The following USP8 variants were observed in gnomAD, a reference collection of about 807,000 sequenced individuals.
The protein encoded by USP8 is ubiquitin carboxyl-terminal hydrolase 8.
USP8 carries 27 observed loss-of-function variants against 130.0 expected under a neutral mutation model. That is an observed-to-expected ratio of 0.21 (90% confidence interval 0.15 to 0.29). The LOEUF is 0.29. USP8 is among the 10% of genes least tolerant of loss of function. The probability of loss-of-function intolerance (pLI) is 1.00; values close to 1 mark genes in which losing one functional copy is unlikely to be tolerated. For synonymous variants in USP8, 392 were observed against 444.1 expected (o/e 0.88, Z 1.48); for missense variants, 1,029 against 1,312.2 (o/e 0.78, Z 3.33).
At position 50,482,022 on chromosome 15, in the gene USP8, A is replaced by G; in HGVS notation, c.1760A>G (p.Asp587Gly). Residue 587 changes from aspartate (D) to glycine (G), a missense_variant, in exon 11 of 20, where the codon GAT (aspartate) becomes GGT (glycine). Physicochemically the swap from Asp to Gly is moderately conservative, Grantham distance 94. Transcript: ENST00000307179. ...GAAATACAGAAAAAGTCAACAGGAG[A>G]TGTGCCCCATACATCTGTGACAGGG... ...TPEIQKKSTG[D>G]VPHTSVTGDS... The G allele has an allele frequency of 6.4e-7, 1 of 1,561,498 alleles. No individual in the cohort carries two copies. Among genetic ancestry groups the G allele is most frequent in the Non-Finnish European group, 8.6e-7 (1 of 1,161,308 alleles).
At chr15:50,447,897 C>G (rs1465566603) in intron 3 of USP8, among the ~76,000 whole-genome samples, 1 of 151,896 alleles carries the variant, frequency 6.6e-6, no homozygotes, top group East Asian at 1.9e-4. Context: ...GCTACCGTGC[C>G]CAGCCTAATT....
intron 12 of USP8, 55 bp from the exon 13 acceptor site, chr15:50,489,746 A>G: frequency 1.6e-6 from 2 of 1,229,942 alleles, no homozygotes; most frequent in Non-Finnish European, 2.1e-6. Flanking sequence ...ATTTAATTGA[A>G]AAATCAGATT....
Position 50,489,854 on chromosome 15 carries a change from A to G in USP8, c.1944A>G (p.Val648=). Reference sequence around the variant, plus strand: ...GAAGTGAAGAAATGGGGAGGATCGTACCAGGACTGCCTTCAGGCTGGGCCA... The same window carrying G: ...GAAGTGAAGAAATGGGGAGGATCGTGCCAGGACTGCCTTCAGGCTGGGCCA... ...RARSEEMGRI[V]PGLPSGWAKF... The change falls in exon 13 of 20, where the codon GTA becomes GTG. Residue 648 remains valine, a synonymous_variant. Transcript: ENST00000307179. 1.3e-6 allele frequency: 2 copies of G among 1,585,644 alleles called. No individual in the cohort carries two copies. The highest frequency in any genetic ancestry group is 1.7e-4 in the Middle Eastern group (1 of 5,996).
chr15:50,456,194 G>A (rs891384309), intron 4 of USP8, among the ~76,000 whole-genome samples: 5 of 152,168 alleles, frequency 3.3e-5, no homozygotes, highest in South Asian at 2.1e-4. Flanking sequence ...GTAGAGTGTC[G>A]TGATCACCAT....
At chr15:50,431,801 C>T (rs966740404) in intron 1 of USP8, among the ~76,000 whole-genome samples, 5 of 152,084 alleles carry the variant, frequency 3.3e-5, no homozygotes, top group Non-Finnish European at 5.9e-5. Context: ...GAATTACAGG[C>T]GTCCACCACC....
rs903168858 is a variant in USP8, at chr15:50,499,900, A to G, written c.*812A>G. 6.6e-6 allele frequency: 1 copy of G among 152,162 alleles called. No individual in the cohort carries two copies. The highest frequency in any genetic ancestry group is 6.6e-5 in the Admixed American group (1 of 15,266). The allele number at this position is 152,162 out of a possible 1,614,324, so 9.4% of individuals were successfully genotyped here. On this transcript the variant is annotated 3_prime_UTR_variant, in exon 20 of 20. Coordinates refer to ENST00000307179, the MANE Select transcript of USP8 (RefSeq NM_005154.5). ...CCAGAGTCATTCTTTCAAGACTAGT[A>G]TTCTCACATATTGAGAATATTCATT... is the stretch of plus-strand genomic sequence containing the variant.
At chr15:50,497,882 TTC>T (rs1465631408) in intron 18 of USP8, among the ~76,000 whole-genome samples, 2 of 152,178 alleles carry the variant, frequency 1.3e-5, no homozygotes, top group African/African-American at 2.4e-5. Flanking sequence ...AAAAAAGCAT[TTC>T]TGTTAAAAAT....
chr15:50,451,512 C>T (rs2050628470), intron 4 of USP8, among the ~76,000 whole-genome samples: 1 of 152,170 alleles, frequency 6.6e-6, no homozygotes, highest in Non-Finnish European at 1.5e-5. Context: ...GCCCATCTTT[C>T]AGTGTAATAA....
rs553271163 is a variant in USP8 at position 50,499,240 on chromosome 15, G to A, written c.*152G>A. 13 of 591,494 alleles carry A rather than the reference G, an allele frequency of 2.2e-5. No homozygotes were observed. The East Asian group carries it at 3.3e-4, about 15-fold the overall frequency. 36.6% of individuals were successfully genotyped at this position (591,494 alleles called of 1,614,324 possible). On this transcript the variant is annotated 3_prime_UTR_variant, in exon 20 of 20. Transcript: ENST00000307179. The stretch of plus-strand genomic sequence containing the variant: ...TACTAGCACTATATAATTCCGGTCA[G>A]TGCTGACAAATAACATTTAACAAGT...
At chr15:50,493,907 C>T in intron 15 of USP8, 163 bp from the exon 16 acceptor site, 2 of 883,658 alleles carry the variant, frequency 2.3e-6, no homozygotes, top group Non-Finnish European at 3.7e-6. Flanking sequence ...GTAAGCAAGT[C>T]AGATTCAGAT....
chr15:50,456,114 A>G (rs1250331649), intron 4 of USP8, among the ~76,000 whole-genome samples: 2 of 152,218 alleles, frequency 1.3e-5, no homozygotes, highest in African/African-American at 4.8e-5. Flanking sequence ...GGAAACTACT[A>G]AGTCATTACC....
intron 3 of USP8, among the ~76,000 whole-genome samples, chr15:50,442,045 C>A (rs758473737): frequency 1.4e-4 from 19 of 134,104 alleles, no homozygotes; most frequent in Non-Finnish European, 2.7e-4. Context: ...GGCGTGATAT[C>A]GGCTCACTGC....
chr15:50,442,881 C>T (rs1289026476), intron 3 of USP8, among the ~76,000 whole-genome samples: 2 of 152,132 alleles, frequency 1.3e-5, no homozygotes, highest in African/African-American at 4.8e-5. Context: ...TCAGTAGTAA[C>T]AAAATACTGC....
At chr15:50,449,890 CTTTTT>C (rs1198558839) in intron 4 of USP8, among the ~76,000 whole-genome samples, 1 of 78,918 alleles carries the variant, frequency 1.3e-5, no homozygotes, top group Non-Finnish European at 2.4e-5. Context: ...CCCAATATTT[CTTTTT>C]TTTTTTTTTT....
At chr15:50,429,307 T>TG (rs2049852284) in intron 1 of USP8, among the ~76,000 whole-genome samples, 1 of 150,262 alleles carries the variant, frequency 6.7e-6, no homozygotes, top group Non-Finnish European at 1.5e-5. Context: ...TGGAGGTGTT[T>TG]TTTTTTTTTT....
intron 8 of USP8, among the ~76,000 whole-genome samples, chr15:50,473,882 T>G (rs796696960): frequency 1.4e-4 from 21 of 152,100 alleles, no homozygotes; most frequent in African/African-American, 5.1e-4. Flanking sequence ...TCACCCAGGC[T>G]GGAGTGCAGT....
intron 5 of USP8, among the ~76,000 whole-genome samples, 193 bp downstream of exon 5, chr15:50,459,355 G>A (rs759675254): frequency 1.3e-4 from 20 of 152,232 alleles, no homozygotes; most frequent in Non-Finnish European, 2.6e-4. Flanking sequence ...AGGCCGAGGC[G>A]GGCAGATCAC....
At chr15:50,427,880 C>G (rs2049795933) in intron 1 of USP8, among the ~76,000 whole-genome samples, 1 of 150,052 alleles carries the variant, frequency 6.7e-6, no homozygotes, top group African/African-American at 2.5e-5. Flanking sequence ...TAAACTGAGA[C>G]AAGGTCTTGC....
chr15:50,450,470 T>TC (rs2050592407), intron 4 of USP8, among the ~76,000 whole-genome samples: 1 of 125,602 alleles, frequency 8.0e-6, no homozygotes, highest in Non-Finnish European at 1.7e-5. Context: ...TTCTTTTTTT[T>TC]TTTTTTTTTT....
Sources: allele counts gnomAD v4.1 joint callset (sites outside exome capture counted in the v4.1 genomes callset), GRCh38; gene constraint gnomAD v4.1.1; transcripts MANE v1.5; gene names NCBI Gene and HGNC (gene_info 2026-07-23, HGNC 2026-07-21).